The following CKMT2 variants were observed in gnomAD, a reference collection of about 807,000 sequenced individuals.
CKMT2 encodes the protein creatine kinase S-type, mitochondrial.
Under a neutral mutation model 48.9 loss-of-function variants are expected in CKMT2, and 43 were observed. The ratio of observed to expected loss-of-function variants is 0.88; its 90% CI spans 0.69 to 1.13. The LOEUF is 1.13. CKMT2 is among the 50% of genes most tolerant of loss of function. The probability of loss-of-function intolerance (pLI) is 0.00; values close to 1 mark genes in which losing one functional copy is unlikely to be tolerated. For missense variants in CKMT2, 472 were observed against 555.4 expected, an observed-to-expected ratio of 0.85 and a Z score of 1.51; for synonymous variants, 206 against 213.0, an observed-to-expected ratio of 0.97 and a Z score of 0.29.
intron 5 of CKMT2, among the ~76,000 whole-genome samples, 195 bp from the exon 6 acceptor site, chr5:81,256,720 T>C (rs1757024378): frequency 6.6e-6 from 1 of 152,162 alleles, no homozygotes; most frequent in Non-Finnish European, 1.5e-5. Flanking sequence ...CCCAGATCAG[T>C]CTATAACAAC....
At chr5:81,240,017 A>G (rs888893056) in intron 1 of CKMT2, among the ~76,000 whole-genome samples, 4 of 152,050 alleles carry the variant, frequency 2.6e-5, no homozygotes, top group Non-Finnish European at 4.4e-5. Flanking sequence ...AGACAAATAC[A>G]TATCTCTACC....
In CKMT2 at chr5:81,247,727, T is replaced by C. The variant is rs913501744; in HGVS notation, c.-20-3386T>C. The stretch of plus-strand genomic sequence containing the variant: ...AGGTTACTAATTAAGGCCTTAATAG[T>C]GAAATTCAATGCCTCTTTGTGTTCT... On this transcript the variant is annotated intron_variant, in intron 1 of 9. Transcript: ENST00000254035. 1.2e-4 allele frequency among the ~76,000 whole-genome samples: 18 copies of C among 152,206 alleles called. 1 individual carries two copies. Among genetic ancestry groups the C allele is most frequent in the Admixed American group, 1.2e-3 (18 of 15,282 alleles).
intron 7 of CKMT2, 120 bp downstream of exon 7, chr5:81,257,976 A>G: frequency 2.1e-6 from 2 of 948,798 alleles, no homozygotes; most frequent in South Asian, 1.9e-5. Flanking sequence ...TAGAAATCAA[A>G]GCAACTGCCG....
intron 4 of CKMT2, 141 bp from the exon 5 acceptor site, chr5:81,254,852 G>A (rs1424010624): frequency 1.4e-6 from 1 of 714,560 alleles, no homozygotes; most frequent in African/African-American, 1.8e-5. Context: ...TCCGGAATGT[G>A]TCCAATTTAC....
chr5:81,251,264 G>T lies in CKMT2; in HGVS notation c.132G>T (p.Gln44His). 1 of 1,614,072 alleles carries T rather than the reference G, an allele frequency of 6.2e-7. No homozygotes were observed. Among genetic ancestry groups the T allele is most frequent in the South Asian group, 1.1e-5 (1 of 91,084 alleles). The change falls in exon 2 of 10, where the codon CAG becomes CAT. Residue 44 changes from glutamine (Q) to histidine (H), a missense_variant. Coordinates refer to ENST00000254035, the MANE Select transcript of CKMT2 (RefSeq NM_001099735.2). ...RQKVCAEVREQPRLFPPSADY... is the reference protein window; with the variant it reads ...RQKVCAEVREHPRLFPPSADY... ...AAGTGTGTGCCGAGGTCCGGGAGCA[G>T]CCTAGGCTATTTCCTCCAAGGTAAG...
chr5:81,256,898 T>C lies in CKMT2; in HGVS notation c.670-17T>C. 6.3e-7 allele frequency: 1 copy of C among 1,594,932 alleles called. No individual in the cohort carries two copies. Among genetic ancestry groups the C allele is most frequent in the Non-Finnish European group, 8.6e-7 (1 of 1,163,752 alleles). On this transcript the variant is annotated splice_polypyrimidine_tract_variant and intron_variant, in intron 5 of 9. Coordinates refer to ENST00000254035, the MANE Select transcript of CKMT2 (RefSeq NM_001099735.2). ...TCATCAGTCTCTCCTCTCTGCTTTA[T>C]CCCTTTTGGCCTACAGGACCACTTT...
intron 6 of CKMT2, 30 bp downstream of exon 6, chr5:81,257,030 T>G: frequency 6.4e-7 from 1 of 1,572,090 alleles, no homozygotes; most frequent in Non-Finnish European, 8.7e-7. Flanking sequence ...ACATTTGCAA[T>G]ATCTGTAGAG....
intron 7 of CKMT2, among the ~76,000 whole-genome samples, chr5:81,258,298 T>C (rs923449815): frequency 6.6e-6 from 1 of 152,178 alleles, no homozygotes; most frequent in African/African-American, 2.4e-5. Flanking sequence ...GACTTTCTCT[T>C]GTTATTAGAA....
chr5:81,247,045 C>T (rs1439457088), intron 1 of CKMT2: 1 of 152,194 alleles, frequency 6.6e-6, no homozygotes, highest in Non-Finnish European at 1.5e-5. Context: ...TGTTTCCAGT[C>T]CCCTCTAGCT....
chr5:81,257,800 G>GA lies in CKMT2; in HGVS notation c.828dup (p.Gly277ArgfsTer9). 1 of 1,613,482 alleles carries GA rather than the reference G, an allele frequency of 6.2e-7. No individual in the cohort carries two copies. Among genetic ancestry groups the GA allele is most frequent in the South Asian group, 1.1e-5 (1 of 91,054 alleles). On this transcript the variant is annotated frameshift_variant, in exon 7 of 10. Coordinates refer to ENST00000254035, the MANE Select transcript of CKMT2 (RefSeq NM_001099735.2). LOFTEE classifies it high-confidence loss of function. ...GGATCACACCAGGGTAATCTCAATG[G>GA]AAAAAGGAGGCAATATGAAACGAGT...
chr5:81,261,425 C>T (rs1693532940), intron 8 of CKMT2, among the ~76,000 whole-genome samples: 1 of 152,168 alleles, frequency 6.6e-6, no homozygotes, highest in Non-Finnish European at 1.5e-5. Context: ...TCTGTGTTTG[C>T]AGATGACATG....
chr5:81,256,173 C>CA (rs377273384), intron 5 of CKMT2, among the ~76,000 whole-genome samples: 2,461 of 146,212 alleles, frequency 0.017, 43 homozygotes, highest in African/African-American at 0.047. Flanking sequence ...ATACACATTG[C>CA]AAAAAAAAAA....
At chr5:81,249,577 T>A (rs754746725) in intron 1 of CKMT2, among the ~76,000 whole-genome samples, 5 of 152,228 alleles carry the variant, frequency 3.3e-5, no homozygotes, top group Non-Finnish European at 7.3e-5. Flanking sequence ...CTCTTTTTCA[T>A]CGTTTGTTGG....
chr5:81,258,136 G>A (rs553863763), intron 7 of CKMT2, among the ~76,000 whole-genome samples: 2 of 152,240 alleles, frequency 1.3e-5, no homozygotes, highest in African/African-American at 4.8e-5. Flanking sequence ...CTGACCACAG[G>A]TGATCTGCTG....
intron 7 of CKMT2, 120 bp downstream of exon 7, chr5:81,257,976 A>T: frequency 1.1e-6 from 1 of 948,798 alleles, no homozygotes; most frequent in Non-Finnish European, 1.5e-6. Context: ...TAGAAATCAA[A>T]GCAACTGCCG....
At chr5:81,264,891 G>T (rs752517656) in intron 9 of CKMT2, among the ~76,000 whole-genome samples, 1 of 151,906 alleles carries the variant, frequency 6.6e-6, no homozygotes, top group Non-Finnish European at 1.5e-5. Context: ...TATAATACAT[G>T]TTTAATATTA....
rs1379802404 is a variant in CKMT2 at position 81,233,377 on chromosome 5, G to T, written c.-21G>T. 3 of 985,778 alleles carry T rather than the reference G, an allele frequency of 3.0e-6. No individual in the cohort carries two copies. Among genetic ancestry groups the T allele is most frequent in the Non-Finnish European group, 3.6e-6 (3 of 830,204 alleles). 61.1% of individuals were successfully genotyped at this position (985,778 alleles called of 1,614,324 possible). A position where few individuals can be genotyped will look rare whatever the true frequency, so the allele number is the denominator to read the frequency against. ...AGGACGTGGGAGGCTCCGGCTTCAA[G>T]GTCGGTGAGTCCGTGAAACTCTGCT... On this transcript the variant is annotated splice_region_variant and 5_prime_UTR_variant, in exon 1 of 10. Transcript: ENST00000254035.
chr5:81,257,770 G>T lies in CKMT2; in HGVS notation c.793G>T (p.Glu265Ter). 1 of 1,612,596 alleles carries T rather than the reference G, an allele frequency of 6.2e-7. No homozygotes were observed. Residue 265 changes from glutamate to a stop codon, truncating the protein, a stop_gained, in exon 7 of 10, where the codon GAG becomes TAG. Coordinates refer to ENST00000254035, the MANE Select transcript of CKMT2 (RefSeq NM_001099735.2). LOFTEE classifies it high-confidence loss of function. Reference sequence around the variant, plus strand: ...TAAGACATTTCTCATCTGGATAAATGAGGAGGATCACACCAGGGTAATCTC... The same window carrying T: ...TAAGACATTTCTCATCTGGATAAATTAGGAGGATCACACCAGGGTAATCTC... ...YDKTFLIWIN[E>*]EDHTRVISME...
rs570756609 is a variant in CKMT2, at chr5:81,259,169, G to C, written c.929G>C (p.Arg310Pro). 1 of 1,613,860 alleles carries C rather than the reference G, an allele frequency of 6.2e-7. No individual in the cohort carries two copies. The highest frequency in any genetic ancestry group is 1.3e-5 in the African/African-American group (1 of 74,894). The change falls in exon 8 of 10, where the codon CGC becomes CCC. Residue 310 changes from arginine (R) to proline (P), a missense_variant. Arg to Pro is a moderately radical substitution (Grantham distance 103, BLOSUM62 -2). Transcript: ENST00000254035. ...GGCTGGGAGTTCATGTGGAATGAGCGCCTAGGATACATTTTGACCTGTCCT... is the reference window on the plus strand; with the variant it reads ...GGCTGGGAGTTCATGTGGAATGAGCCCCTAGGATACATTTTGACCTGTCCT... Reference protein sequence around the residue: ...ERGWEFMWNERLGYILTCPSN... With the variant: ...ERGWEFMWNEPLGYILTCPSN...
Sources: gnomAD v4.1 joint callset for allele counts (sites outside exome capture counted in the v4.1 genomes callset) on GRCh38, gnomAD v4.1.1 for gene constraint, MANE v1.5 for transcripts, NCBI Gene and HGNC (gene_info 2026-07-23, HGNC 2026-07-21) for gene names.